UGT1A6: variants seen among roughly 807,000 people sequenced by gnomAD.
The protein encoded by UGT1A6 is UDP-glucuronosyltransferase 1A6.
In UGT1A6, 32 loss-of-function variants were observed where a neutral mutation model predicts 44.4. That is an observed-to-expected ratio of 0.72 (90% CI 0.54 to 0.97). The LOEUF (loss-of-function observed/expected upper bound fraction) is 0.97, where lower values mean the gene tolerates loss of function less well. Ranked by LOEUF, UGT1A6 falls within the 50% of genes least tolerant of loss-of-function variation. The pLI, the probability that UGT1A6 is intolerant of heterozygous loss-of-function variation, is 0.00. For missense variants in UGT1A6, 685 were observed against 661.9 expected (o/e 1.03, Z -0.38); for synonymous variants, 238 against 248.5 (o/e 0.96, Z 0.40).
chr2:233,735,285 T>C (rs1453773245), intron 1 of UGT1A6, among the ~76,000 whole-genome samples: 1 of 152,192 alleles, frequency 6.6e-6, no homozygotes, highest in East Asian at 1.9e-4. Flanking sequence ...TCTTTGTCTC[T>C]TTTGATTTTT....
intron 1 of UGT1A6, among the ~76,000 whole-genome samples, chr2:233,758,886 A>G (rs1359605259): frequency 6.6e-6 from 1 of 152,236 alleles, no homozygotes; most frequent in African/African-American, 2.4e-5. Context: ...TCCATGGTCA[A>G]TAAATACAAA....
rs927905587 is a variant in UGT1A6 at position 233,772,883 on chromosome 2, C to G, written c.*324C>G. The G allele has an allele frequency of 7.2e-6, 4 of 557,122 alleles. No homozygotes were observed. Among genetic ancestry groups the G allele is most frequent in the Admixed American group, 7.5e-5 (2 of 26,828 alleles). 34.5% of individuals were successfully genotyped at this position (557,122 alleles called of 1,614,324 possible). Reference sequence around the variant, plus strand: ...ATGGCCTGTTTGGGAGTGCGGGATTCAAAGGTGGTCCCACGGCTGCCCCTA... The same window carrying G: ...ATGGCCTGTTTGGGAGTGCGGGATTGAAAGGTGGTCCCACGGCTGCCCCTA... On this transcript the variant is annotated 3_prime_UTR_variant, in exon 5 of 5. Transcript: ENST00000305139.
intron 1 of UGT1A6, among the ~76,000 whole-genome samples, chr2:233,699,760 A>G (rs921054615): frequency 7.9e-5 from 12 of 152,218 alleles, no homozygotes; most frequent in African/African-American, 2.4e-4. Context: ...CCAGTTCCTC[A>G]GGACTAGTTC....
chr2:233,713,032 C>T, intron 1 of UGT1A6: 2 of 1,613,918 alleles, frequency 1.2e-6, no homozygotes, highest in Non-Finnish European at 1.7e-6. Context: ...CAGCTGGCCA[C>T]AGGACTGCTG....
Position 233,693,522 on chromosome 2 carries a change from G to A in UGT1A6, c.518G>A (p.Gly173Asp), listed in dbSNP as rs2075160546. 2 of 1,614,162 alleles carry A rather than the reference G, an allele frequency of 1.2e-6. No homozygotes were observed. The highest frequency in any genetic ancestry group is 1.6e-4 in the Middle Eastern group (1 of 6,062). ...LGLPSVYLFR[G>D]FPCSLEHTFS... ...CTACCATCTGTGTACCTCTTCAGGG[G>A]TTTTCCGTGTTCCCTGGAGCATACA... The change falls in exon 1 of 5, where the codon GGT becomes GAT. Residue 173 changes from glycine to aspartate, a missense_variant. Gly to Asp is a moderately conservative substitution (Grantham distance 94). Coordinates refer to ENST00000305139, the MANE Select transcript of UGT1A6 (RefSeq NM_001072.4).
rs576748005 is a variant in UGT1A6 at position 233,703,104 on chromosome 2, T to C, written c.861+9239T>C. On this transcript the variant is annotated intron_variant, in intron 1 of 4. Coordinates refer to ENST00000305139, the MANE Select transcript of UGT1A6 (RefSeq NM_001072.4). ...GCTTTTCTTGCAGGAGGTTTTAAAA[T>C]TACTAATTTAATCTTTTTACCTGTT... Among the ~76,000 whole-genome samples, 7 of 152,330 alleles carry C rather than the reference T, an allele frequency of 4.6e-5. No homozygotes were observed. The East Asian group carries it at 1.3e-3, about 29-fold the overall frequency.
At chr2:233,695,420 G>A (rs1281215044) in intron 1 of UGT1A6, among the ~76,000 whole-genome samples, 2 of 138,292 alleles carry the variant, frequency 1.4e-5, no homozygotes, top group African/African-American at 2.6e-5. Context: ...TACCGCGCCC[G>A]GCCTTCTTCT....
At chr2:233,726,064 G>T (rs1467420011) in intron 1 of UGT1A6, among the ~76,000 whole-genome samples, 7 of 152,132 alleles carry the variant, frequency 4.6e-5, no homozygotes, top group Admixed American at 4.6e-4. Flanking sequence ...TACTCAGGAG[G>T]CTGAGGCAGG....
intron 1 of UGT1A6, among the ~76,000 whole-genome samples, chr2:233,746,960 G>T (rs1278359250): frequency 6.6e-6 from 1 of 151,782 alleles, no homozygotes; most frequent in African/African-American, 2.4e-5. Flanking sequence ...GCTTGAACTT[G>T]GATGTTCCCC....
At chr2:233,719,251 C>A in intron 1 of UGT1A6, 1 of 1,614,174 alleles carries the variant, frequency 6.2e-7, no homozygotes, top group Non-Finnish European at 8.5e-7. Flanking sequence ...CTGAATGCTA[C>A]TTCCTTTGAT....
At chr2:233,714,888 A>ATCTTTTTTTTT (rs148944858) in intron 1 of UGT1A6, among the ~76,000 whole-genome samples, 2 of 151,904 alleles carry the variant, frequency 1.3e-5, no homozygotes, top group African/African-American at 2.4e-5. Context: ...AAATTTTTCT[A>ATCTTTTTTTTT]TCTTTTGAGA....
chr2:233,760,521 G>T, intron 1 of UGT1A6: 1 of 1,614,238 alleles, frequency 6.2e-7, no homozygotes, highest in South Asian at 1.1e-5. Context: ...CCTTGAAGAC[G>T]TACCCTGTGC....
intron 1 of UGT1A6, chr2:233,719,729 A>C: frequency 6.2e-7 from 1 of 1,613,584 alleles, no homozygotes. Context: ...TCCAGGCAAA[A>C]CACTTTTTAA....
rs917242803 is a variant in UGT1A6, at chr2:233,724,807, C to G, written c.861+30942C>G. On this transcript the variant is annotated intron_variant, in intron 1 of 4. Transcript: ENST00000305139. ...CTTCCCAGACGGGGTGGCGGCCGGG[C>G]AGAGGCTGCAATCTCGGCACTTTGG... 5.9e-4 allele frequency among the ~76,000 whole-genome samples: 82 copies of G among 138,372 alleles called. 2 individuals carry two copies. The highest frequency in any genetic ancestry group is 1.0e-3 in the Non-Finnish European group (67 of 64,874). 90.8% of individuals were successfully genotyped at this position (138,372 alleles called of 152,430 possible). A position where few individuals can be genotyped will look rare whatever the true frequency, so the allele number is the denominator to read the frequency against.
chr2:233,718,024 G>C (rs566004281), intron 1 of UGT1A6: 1 of 386,248 alleles, frequency 2.6e-6, no homozygotes, highest in East Asian at 7.2e-5. Flanking sequence ...CAGCTCCCCA[G>C]GTCCTTTGGT....
In UGT1A6 at chr2:233,731,246, C is replaced by T. The variant is rs139669566; in HGVS notation, c.862-35788C>T. Among the ~76,000 whole-genome samples, 684 of 150,450 alleles carry T rather than the reference C, an allele frequency of 4.5e-3. 5 individuals carry two copies. The highest frequency in any genetic ancestry group is 0.016 in the African/African-American group (645 of 41,062). On this transcript the variant is annotated intron_variant, in intron 1 of 4. Coordinates refer to ENST00000305139, the MANE Select transcript of UGT1A6 (RefSeq NM_001072.4). ...GTAAAAATGTTGAAAAGTGGGATGG[C>T]ATTTAAATAGTGACTGTTGCCCTTC... is the stretch of plus-strand genomic sequence containing the variant.
chr2:233,760,041 G>A (rs1458038785), intron 1 of UGT1A6, among the ~76,000 whole-genome samples: 2 of 152,178 alleles, frequency 1.3e-5, no homozygotes, highest in Admixed American at 6.5e-5. Context: ...GTACTTTGCT[G>A]TGTTCACTCA....
At chr2:233,741,911 A>C (rs909136076) in intron 1 of UGT1A6, 2 of 151,838 alleles carry the variant, frequency 1.3e-5, no homozygotes, top group African/African-American at 4.9e-5. Flanking sequence ...GTGATGGAAA[A>C]GGTCTTCATT....
chr2:233,712,799 T>C (rs2076255555), intron 1 of UGT1A6, among the ~76,000 whole-genome samples: 1 of 152,254 alleles, frequency 6.6e-6, no homozygotes, highest in Non-Finnish European at 1.5e-5. Context: ...GTGATCGGTC[T>C]TTCCCAGGGT....
Sources: allele counts gnomAD v4.1 joint callset (sites outside exome capture counted in the v4.1 genomes callset), GRCh38; gene constraint gnomAD v4.1.1; transcripts MANE v1.5; gene names NCBI Gene and HGNC (gene_info 2026-07-23, HGNC 2026-07-21).